The following CORO2B variants were observed in gnomAD, a reference collection of about 807,000 sequenced individuals.
The protein encoded by CORO2B is coronin 2B.
CORO2B carries 26 observed loss-of-function variants against 58.8 expected under a neutral mutation model. The observed-to-expected ratio is 0.44, with a 90% CI of 0.32 to 0.61. The LOEUF (loss-of-function observed/expected upper bound fraction) is 0.61, where lower values mean the gene tolerates loss of function less well. CORO2B is among the 20% of genes least tolerant of loss of function. The pLI is 0.04. For synonymous variants in CORO2B, 242 were observed against 253.8 expected (o/e 0.95, Z 0.44); for missense variants, 460 against 645.1 (o/e 0.71, Z 3.11).
At chr15:68,602,323 T>C (rs1367535912) in intron 1 of CORO2B, among the ~76,000 whole-genome samples, 1 of 151,838 alleles carries the variant, frequency 6.6e-6, no homozygotes, top group Non-Finnish European at 1.5e-5. Flanking sequence ...TAAACACTCT[T>C]GGTGCTGTGG....
At chr15:68,530,317 T>C in the CORO2B span, among the ~76,000 whole-genome samples, 2,456 of 152,224 alleles carry the variant, frequency 0.016, 30 homozygotes, top group Non-Finnish European at 0.026. Flanking sequence ...AGAGTGAGAC[T>C]CTGTCTCAAA....
chr15:68,655,119 G>A (rs901296090), intron 2 of CORO2B, among the ~76,000 whole-genome samples: 1 of 152,218 alleles, frequency 6.6e-6, no homozygotes, highest in African/African-American at 2.4e-5. Flanking sequence ...TTTATCTGGA[G>A]TTGGACTGCC....
the CORO2B span, among the ~76,000 whole-genome samples, chr15:68,526,493 A>G: frequency 6.6e-6 from 1 of 152,190 alleles, no homozygotes; most frequent in African/African-American, 2.4e-5. Flanking sequence ...TTCCAGGATG[A>G]CTAATGATGC....
chr15:68,637,538 G>A (rs542396623), intron 1 of CORO2B, among the ~76,000 whole-genome samples: 1 of 152,256 alleles, frequency 6.6e-6, no homozygotes, highest in East Asian at 1.9e-4. Flanking sequence ...CAGGACCCAG[G>A]TCAGTTGATA....
At chr15:68,651,099 G>T (rs1901625609) in intron 2 of CORO2B, among the ~76,000 whole-genome samples, 1 of 152,206 alleles carries the variant, frequency 6.6e-6, no homozygotes, top group South Asian at 2.1e-4. Context: ...CTCCGTGGGA[G>T]GGTGAGGCAG....
chr15:68,681,696 A>G (rs1266088988), intron 2 of CORO2B, among the ~76,000 whole-genome samples: 1 of 152,026 alleles, frequency 6.6e-6, no homozygotes, highest in Non-Finnish European at 1.5e-5. Flanking sequence ...CAGGCAGGTA[A>G]GTCAGATCTG....
chr15:68,584,455 T>C (rs976399724), intron 1 of CORO2B, among the ~76,000 whole-genome samples: 1 of 152,132 alleles, frequency 6.6e-6, no homozygotes, highest in East Asian at 1.9e-4. Flanking sequence ...TGGCACACAC[T>C]TGAGTTTGGC....
At chr15:68,660,964 T>C (rs980933930) in intron 2 of CORO2B, among the ~76,000 whole-genome samples, 1 of 142,924 alleles carries the variant, frequency 7.0e-6, no homozygotes, top group Non-Finnish European at 1.5e-5. Flanking sequence ...CCATGTGTAA[T>C]GTGTAATGAG....
chr15:68,521,048 C>CAA, the CORO2B span, among the ~76,000 whole-genome samples: 8 of 141,734 alleles, frequency 5.6e-5, no homozygotes, highest in African/African-American at 1.6e-4. Context: ...GGCTCCATCT[C>CAA]AAAAAAAAAA....
intron 2 of CORO2B, among the ~76,000 whole-genome samples, chr15:68,683,932 T>C (rs1168267217): frequency 6.6e-6 from 1 of 152,188 alleles, no homozygotes; most frequent in Non-Finnish European, 1.5e-5. Context: ...TGTGCTGGGA[T>C]GACAACAGCT....
intron 2 of CORO2B, among the ~76,000 whole-genome samples, chr15:68,652,590 T>C (rs543145678): frequency 6.6e-6 from 1 of 152,310 alleles, no homozygotes; most frequent in African/African-American, 2.4e-5. Flanking sequence ...ACCCAGCCAT[T>C]CTCAGTCCCA....
At chr15:68,585,964 G>A (rs895693135) in intron 1 of CORO2B, among the ~76,000 whole-genome samples, 4 of 152,202 alleles carry the variant, frequency 2.6e-5, no homozygotes, top group South Asian at 2.1e-4. Context: ...TTCAGAGAAC[G>A]CAGGTCCCTG....
chr15:68,551,326 G>C, the CORO2B span, among the ~76,000 whole-genome samples: 23,637 of 152,058 alleles, frequency 0.16, 2,131 homozygotes, highest in Middle Eastern at 0.24. Flanking sequence ...GGAGGTCCAG[G>C]TAACAACCCC....
chr15:68,563,613 A>G, the CORO2B span, among the ~76,000 whole-genome samples: 847 of 152,286 alleles, frequency 5.6e-3, 5 homozygotes, highest in Non-Finnish European at 8.9e-3. Context: ...GTTATTTGAA[A>G]AGATCAACAA....
At chr15:68,701,391 A>C (rs970491747) in intron 3 of CORO2B, among the ~76,000 whole-genome samples, 11 of 150,568 alleles carry the variant, frequency 7.3e-5, no homozygotes, top group Admixed American at 1.3e-4. Flanking sequence ...CGCTCACTGC[A>C]AGCTTCACCT....
intron 2 of CORO2B, among the ~76,000 whole-genome samples, chr15:68,677,116 C>G (rs1902613653): frequency 6.6e-6 from 1 of 152,186 alleles, no homozygotes; most frequent in African/African-American, 2.4e-5. Context: ...TGCTCCCCGC[C>G]AGGCCTGGAG....
In CORO2B at chr15:68,715,213, A is replaced by C. The variant is rs761660977; in HGVS notation, c.871-2A>C. 1.2e-6 allele frequency: 2 copies of C among 1,613,250 alleles called. No individual in the cohort carries two copies. On this transcript the variant is annotated splice_acceptor_variant, in intron 7 of 11. Coordinates refer to ENST00000261861, the MANE Select transcript of CORO2B (RefSeq NM_006091.5). LOFTEE classifies it high-confidence loss of function. ...CCTCAACTCCATCTCTCCTGACCCC[A>C]GGGTGATGGAAACATCCGGTACTAC...
At chr15:68,705,436 C>CAAAAAAAAAAAAAAAAA (rs35973911) in intron 3 of CORO2B, among the ~76,000 whole-genome samples, 3 of 112,816 alleles carry the variant, frequency 2.7e-5, no homozygotes, top group African/African-American at 1.1e-4. Flanking sequence ...AACTCTATCT[C>CAAAAAAAAAAAAAAAAA]AAAAAAAAAA....
At chr15:68,688,741 T>C (rs1892285695) in intron 2 of CORO2B, among the ~76,000 whole-genome samples, 1 of 152,204 alleles carries the variant, frequency 6.6e-6, no homozygotes, top group South Asian at 2.1e-4. Context: ...GTCCCTATGA[T>C]AAATAACATG....
Sources: gnomAD v4.1 joint callset for allele counts (sites outside exome capture counted in the v4.1 genomes callset) on GRCh38, gnomAD v4.1.1 for gene constraint, MANE v1.5 for transcripts, NCBI Gene and HGNC (gene_info 2026-07-23, HGNC 2026-07-21) for gene names.